PTPRM: variants seen among roughly 807,000 people sequenced by gnomAD.
PTPRM encodes the protein receptor-type tyrosine-protein phosphatase mu.
In PTPRM, 47 loss-of-function variants were observed where a neutral mutation model predicts 186.7. The observed-to-expected ratio is 0.25, with a 90% confidence interval of 0.20 to 0.32. The LOEUF (loss-of-function observed/expected upper bound fraction) is 0.32, where lower values mean the gene tolerates loss of function less well. Ranked by LOEUF, PTPRM falls within the 10% of genes least tolerant of loss-of-function variation. The pLI, the probability that PTPRM is intolerant of heterozygous loss-of-function variation, is 1.00. For synonymous variants in PTPRM, 668 were observed against 674.9 expected, an observed-to-expected ratio of 0.99 and a Z score of 0.16; for missense variants, 1,494 against 1,865.0, an observed-to-expected ratio of 0.80 and a Z score of 3.66.
intron 19 of PTPRM, among the ~76,000 whole-genome samples, chr18:8,291,122 C>T (rs543357147): frequency 1.4e-3 from 207 of 152,278 alleles, no homozygotes; most frequent in African/African-American, 4.8e-3. Context: ...AGCCTTGGTT[C>T]CCTCAGCCAT....
At chr18:7,595,463 G>T (rs1267115778) in intron 1 of PTPRM, among the ~76,000 whole-genome samples, 2 of 152,188 alleles carry the variant, frequency 1.3e-5, no homozygotes, top group African/African-American at 4.8e-5. Flanking sequence ...CTGTCAAACA[G>T]TGATTTTGTT....
intron 19 of PTPRM, among the ~76,000 whole-genome samples, chr18:8,286,372 G>A (rs1357280669): frequency 1.3e-5 from 2 of 152,204 alleles, no homozygotes; most frequent in Non-Finnish European, 2.9e-5. Flanking sequence ...ATTCCCAAGG[G>A]TGGCTGGAAC....
intron 14 of PTPRM, among the ~76,000 whole-genome samples, chr18:8,216,328 G>A (rs1049682269): frequency 6.6e-6 from 1 of 152,092 alleles, no homozygotes; most frequent in Admixed American, 6.5e-5. Context: ...TGAATAACAA[G>A]AATTTTTGTT....
At chr18:8,346,805 A>G (rs1180298077) in intron 23 of PTPRM, among the ~76,000 whole-genome samples, 3 of 8,558 alleles carry the variant, frequency 3.5e-4, no homozygotes, top group Non-Finnish European at 7.3e-4. Flanking sequence ...ATTAATGACT[A>G]TTGAAAAAAA....
At chr18:8,149,240 T>C (rs2092950021) in intron 14 of PTPRM, among the ~76,000 whole-genome samples, 1 of 152,174 alleles carries the variant, frequency 6.6e-6, no homozygotes, top group African/African-American at 2.4e-5. Context: ...TGTCTAATAT[T>C]GACAGTGGGG....
At chr18:8,406,030 C>A (rs1438764192) in intron 32 of PTPRM, 79 bp from the exon 33 acceptor site, 2 of 1,271,540 alleles carry the variant, frequency 1.6e-6, no homozygotes, top group African/African-American at 1.5e-5. Context: ...CCCATTAAGA[C>A]CCTACTCTAT....
Position 7,627,898 on chromosome 18 carries a change from G to A in PTPRM, c.73+60007G>A, listed in dbSNP as rs145705463. Among the ~76,000 whole-genome samples the A allele has an allele frequency of 3.9e-5, 6 of 152,268 alleles. No individual in the cohort carries two copies. In the East Asian group the frequency reaches 1.2e-3, roughly 29 times the overall value. Reference sequence around the variant, plus strand: ...GACTAGAGTCAGAAGGAGTTCCATTGATTCCAAATAAGAGGCCCTGCACAA... The same window carrying A: ...GACTAGAGTCAGAAGGAGTTCCATTAATTCCAAATAAGAGGCCCTGCACAA... On this transcript the variant is annotated intron_variant, in intron 1 of 32. Coordinates refer to ENST00000580170, the MANE Select transcript of PTPRM (RefSeq NM_001105244.2).
chr18:7,918,963 T>A (rs1422302932), intron 4 of PTPRM, among the ~76,000 whole-genome samples: 1 of 152,206 alleles, frequency 6.6e-6, no homozygotes, highest in Non-Finnish European at 1.5e-5. Flanking sequence ...TTGATTTGAC[T>A]TCTGTAGATG....
intron 2 of PTPRM, among the ~76,000 whole-genome samples, chr18:7,869,361 G>T (rs918970990): frequency 6.6e-5 from 10 of 152,200 alleles, no homozygotes; most frequent in African/African-American, 2.2e-4. Context: ...TCTGTGGGTT[G>T]CAAAGACTGT....
chr18:7,905,244 C>T (rs1190934566), intron 3 of PTPRM, among the ~76,000 whole-genome samples: 10 of 152,136 alleles, frequency 6.6e-5, no homozygotes, highest in Non-Finnish European at 1.5e-4. Flanking sequence ...CTGCCTGCCT[C>T]GGCCTCCCAA....
At chr18:8,000,718 C>T (rs759053991) in intron 7 of PTPRM, among the ~76,000 whole-genome samples, 2 of 152,090 alleles carry the variant, frequency 1.3e-5, no homozygotes, top group African/African-American at 2.4e-5. Flanking sequence ...TTATGGTGAC[C>T]GCCTCATCCA....
At chr18:8,347,479 C>T (rs1180417641) in intron 23 of PTPRM, among the ~76,000 whole-genome samples, 1 of 152,136 alleles carries the variant, frequency 6.6e-6, no homozygotes, top group Non-Finnish European at 1.5e-5. Context: ...AATAATTACA[C>T]ACTAAAGCCC....
intron 23 of PTPRM, among the ~76,000 whole-genome samples, chr18:8,344,491 C>T (rs954428249): frequency 7.3e-6 from 1 of 136,476 alleles, no homozygotes; most frequent in Non-Finnish European, 1.6e-5. Context: ...AAAAATGGCA[C>T]ATTAACCTGA....
chr18:8,245,875 G>T (rs79560678), intron 15 of PTPRM, among the ~76,000 whole-genome samples: 2,631 of 152,334 alleles, frequency 0.017, 49 homozygotes, highest in African/African-American at 0.06. Flanking sequence ...TGGACAGGAA[G>T]TTTAATTTGG....
chr18:7,750,081 C>T (rs2041139558), intron 1 of PTPRM, among the ~76,000 whole-genome samples: 1 of 152,084 alleles, frequency 6.6e-6, no homozygotes, highest in South Asian at 2.1e-4. Flanking sequence ...CCATAAAAAT[C>T]CACAAATACA....
chr18:7,775,545 C>G (rs1447405242), intron 2 of PTPRM, among the ~76,000 whole-genome samples: 1 of 152,142 alleles, frequency 6.6e-6, no homozygotes, highest in Non-Finnish European at 1.5e-5. Context: ...TTTGGTCTTT[C>G]CTGCCCTCTC....
At chr18:7,687,681 C>T (rs9960652) in intron 1 of PTPRM, among the ~76,000 whole-genome samples, 27,883 of 151,986 alleles carry the variant, frequency 0.18, 3,851 homozygotes, top group African/African-American at 0.39. Flanking sequence ...ACAGCAATAC[C>T]GTACCTCATA....
intron 14 of PTPRM, among the ~76,000 whole-genome samples, chr18:8,214,980 T>C (rs2094059700): frequency 6.6e-6 from 1 of 152,216 alleles, no homozygotes; most frequent in African/African-American, 2.4e-5. Context: ...AAATCCACTT[T>C]TCCATAGGAC....
intron 11 of PTPRM, among the ~76,000 whole-genome samples, chr18:8,089,302 T>A (rs1477641104): frequency 6.6e-6 from 1 of 152,218 alleles, no homozygotes; most frequent in African/African-American, 2.4e-5. Context: ...ATGAGATGTA[T>A]AGTTTTTTGA....
Sources: allele counts gnomAD v4.1 joint callset (sites outside exome capture counted in the v4.1 genomes callset), GRCh38; gene constraint gnomAD v4.1.1; transcripts MANE v1.5; gene names NCBI Gene and HGNC (gene_info 2026-07-23, HGNC 2026-07-21).